Variants in RSPO2 observed in about 807,000 individuals in gnomAD.
The protein encoded by RSPO2 is R-spondin 2.
A neutral mutation model predicts 30.9 loss-of-function variants in RSPO2; 14 were observed. The observed-to-expected ratio is 0.45, with a 90% CI of 0.30 to 0.71. RSPO2 has a LOEUF of 0.71. Among genes scored for constraint, RSPO2 ranks in the 30% least tolerant of loss-of-function variants. The probability of loss-of-function intolerance (pLI) is 0.08; values close to 1 mark genes in which losing one functional copy is unlikely to be tolerated. For synonymous variants in RSPO2, 107 were observed against 96.4 expected (o/e 1.11, Z -0.64); for missense variants, 264 against 301.9 (o/e 0.87, Z 0.93).
At chr8:108,063,627 A>G (rs1342046104) in intron 2 of RSPO2, among the ~76,000 whole-genome samples, 1 of 151,870 alleles carries the variant, frequency 6.6e-6, no homozygotes, top group East Asian at 1.9e-4. Context: ...TATAGATTCA[A>G]TGCCATCCCA....
intron 5 of RSPO2, among the ~76,000 whole-genome samples, chr8:107,956,197 A>T (rs892454510): frequency 6.6e-6 from 1 of 152,198 alleles, no homozygotes; most frequent in Admixed American, 6.5e-5. Flanking sequence ...TTCTCTCAAC[A>T]ATTATATTTA....
At chr8:107,903,117 TGAA>T (rs746438413) in intron 5 of RSPO2, among the ~76,000 whole-genome samples, 67 of 152,276 alleles carry the variant, frequency 4.4e-4, no homozygotes, top group Non-Finnish European at 6.8e-4. Flanking sequence ...TAAAGTGTTA[TGAA>T]GAAGTTTTTG....
intron 3 of RSPO2, among the ~76,000 whole-genome samples, chr8:107,975,030 C>T (rs1372709518): frequency 6.6e-6 from 1 of 152,144 alleles, no homozygotes; most frequent in Non-Finnish European, 1.5e-5. Context: ...TCAATTATTT[C>T]CTATTAAATA....
intron 2 of RSPO2, among the ~76,000 whole-genome samples, chr8:108,037,980 G>A (rs150602786): frequency 9.2e-5 from 14 of 152,282 alleles, no homozygotes; most frequent in African/African-American, 3.1e-4. Flanking sequence ...GTAGCCAGTG[G>A]ATCAAGGAGT....
Position 107,915,753 on chromosome 8 carries a change from C to T in RSPO2, c.617-14563G>A, listed in dbSNP as rs1392868088. On this transcript the variant is annotated intron_variant, in intron 5 of 5. Coordinates refer to ENST00000276659, the MANE Select transcript of RSPO2 (RefSeq NM_178565.5). ...TGTCTTGGGACGACTATCCACTCTTCGCAGGTGACTAGTGTCTGTTTTGTT... is the reference window on the plus strand; with the variant it reads ...TGTCTTGGGACGACTATCCACTCTTTGCAGGTGACTAGTGTCTGTTTTGTT... Among the ~76,000 whole-genome samples, 5 of 152,226 alleles carry T rather than the reference C, an allele frequency of 3.3e-5. No individual in the cohort carries two copies. In the East Asian group the frequency reaches 5.8e-4, roughly 18 times the overall value.
intron 2 of RSPO2, among the ~76,000 whole-genome samples, chr8:108,004,812 A>T (rs533248999): frequency 8.5e-5 from 13 of 152,112 alleles, no homozygotes; most frequent in Non-Finnish European, 1.6e-4. Flanking sequence ...TACCTCTAAA[A>T]TTTTTCAGTA....
intron 5 of RSPO2, among the ~76,000 whole-genome samples, chr8:107,945,942 C>T (rs955106248): frequency 1.3e-5 from 2 of 152,168 alleles, no homozygotes; most frequent in African/African-American, 2.4e-5. Flanking sequence ...AACGAGTTCA[C>T]CTTTGTATAT....
At chr8:108,064,446 A>G (rs1213057209) in intron 2 of RSPO2, among the ~76,000 whole-genome samples, 5 of 152,256 alleles carry the variant, frequency 3.3e-5, no homozygotes, top group East Asian at 1.9e-4. Flanking sequence ...TGGCCATCAG[A>G]GAAATGCAAA....
chr8:108,011,262 A>C (rs1810703636), intron 2 of RSPO2, among the ~76,000 whole-genome samples: 1 of 151,940 alleles, frequency 6.6e-6, no homozygotes. Context: ...AAGAAAGTAA[A>C]GTGACTTGGT....
intron 2 of RSPO2, among the ~76,000 whole-genome samples, chr8:108,047,665 T>C (rs564871372): frequency 8.5e-5 from 13 of 152,086 alleles, no homozygotes; most frequent in South Asian, 6.2e-4. Context: ...CTGACCAACA[T>C]AGTGAAACCC....
At chr8:108,014,334 C>T (rs1810805567) in intron 2 of RSPO2, among the ~76,000 whole-genome samples, 1 of 152,180 alleles carries the variant, frequency 6.6e-6, no homozygotes. Flanking sequence ...CCAGCAATCC[C>T]ATTTACCAGG....
At chr8:108,049,752 C>T (rs3963279) in intron 2 of RSPO2, among the ~76,000 whole-genome samples, 19,447 of 152,052 alleles carry the variant, frequency 0.13, 2,678 homozygotes, top group African/African-American at 0.34. Flanking sequence ...TTTATGGCTA[C>T]ATAGTATTCC....
At chr8:107,912,947 C>CTTTAAATATTTTAAAATTTAAAATT (rs1811867672) in intron 5 of RSPO2, among the ~76,000 whole-genome samples, 1 of 152,010 alleles carries the variant, frequency 6.6e-6, no homozygotes, top group Non-Finnish European at 1.5e-5. Flanking sequence ...TTAAAATATC[C>CTTTAAATATTTTAAAATTTAAAATT]CTATGAAATA....
chr8:107,951,042 A>ATTTTT (rs1813223841), intron 5 of RSPO2, among the ~76,000 whole-genome samples: 1 of 55,002 alleles, frequency 1.8e-5, no homozygotes, highest in Admixed American at 2.3e-4. Context: ...AGGGAGAATA[A>ATTTTT]GTTTTTTTTT....
intron 5 of RSPO2, among the ~76,000 whole-genome samples, chr8:107,957,012 C>CTAA (rs1813454560): frequency 6.6e-6 from 1 of 152,130 alleles, no homozygotes; most frequent in Non-Finnish European, 1.5e-5. Context: ...AGCTGCTTTC[C>CTAA]TAATAGTAGC....
intron 3 of RSPO2, among the ~76,000 whole-genome samples, chr8:107,967,922 T>C (rs1813863905): frequency 6.6e-6 from 1 of 152,130 alleles, no homozygotes; most frequent in Non-Finnish European, 1.5e-5. Context: ...CCTCATGTAT[T>C]TTTTTAAAGG....
intron 2 of RSPO2, among the ~76,000 whole-genome samples, chr8:108,025,529 A>AT (rs1563568841): frequency 6.6e-6 from 1 of 152,054 alleles, no homozygotes; most frequent in African/African-American, 2.4e-5. Flanking sequence ...GGTCTTCCTG[A>AT]TTTTTTTATT....
At chr8:108,075,544 G>C (rs1812984497) in intron 2 of RSPO2, among the ~76,000 whole-genome samples, 1 of 151,212 alleles carries the variant, frequency 6.6e-6, no homozygotes, top group Non-Finnish European at 1.5e-5. Flanking sequence ...CAAATCACCT[G>C]TCACTTGGAA....
chr8:108,077,067 T>G, intron 2 of RSPO2, among the ~76,000 whole-genome samples: 1 of 152,186 alleles, frequency 6.6e-6, no homozygotes, highest in East Asian at 1.9e-4. Flanking sequence ...GAAACCCCTT[T>G]CTAAAAATCT....
Sources: allele counts gnomAD v4.1 joint callset (sites outside exome capture counted in the v4.1 genomes callset), GRCh38; gene constraint gnomAD v4.1.1; transcripts MANE v1.5; gene names NCBI Gene and HGNC (gene_info 2026-07-23, HGNC 2026-07-21).